TEPSIN: variants seen among roughly 807,000 people sequenced by gnomAD.
TEPSIN encodes TEPSIN adaptor related protein complex 4 accessory protein, also known as AP-4 complex accessory subunit tepsin.
Under a neutral mutation model 48.5 loss-of-function variants are expected in TEPSIN, and 50 were observed. The observed-to-expected ratio is 1.03, with a 90% CI of 0.82 to 1.31. The LOEUF (loss-of-function observed/expected upper bound fraction) is 1.31. Among genes scored for constraint, TEPSIN ranks in the 50% most tolerant of loss-of-function variants. The pLI is 0.00. For synonymous variants in TEPSIN, 392 were observed against 358.8 expected (o/e 1.09, Z -1.05); for missense variants, 838 against 815.9 (o/e 1.03, Z -0.33).
In TEPSIN at chr17:81,230,631, G is replaced by GGGGAGGAGGTCGCTGCTCCCCA. The variant is rs1824509872; in HGVS notation, c.1124_1145dup (p.Gln383GlyfsTer42). 3 of 1,597,854 alleles carry GGGGAGGAGGTCGCTGCTCCCCA rather than the reference G, an allele frequency of 1.9e-6. No homozygotes were observed. The highest frequency in any genetic ancestry group is 1.7e-5 in the Admixed American group (1 of 58,244). On this transcript the variant is annotated frameshift_variant, in exon 12 of 13. Coordinates refer to ENST00000637944, the MANE Select transcript of TEPSIN (RefSeq NM_001363764.2). LOFTEE classifies it high-confidence loss of function. This position sits in a 1 kb window ranked among gnomAD's most constrained non-coding sequence, Gnocchi z 4.2. ...GGGTGCGGAGGAGGATGTGCTCCTG[G>GGGGAGGAGGTCGCTGCTCCCCA]GGGAGGAGGTCGCTGCTCCCCAGGG...
Position 81,229,459 on chromosome 17 carries a change from C to T in TEPSIN, c.1251G>A (p.Glu417=). 1.3e-6 allele frequency: 2 copies of T among 1,549,304 alleles called. No homozygotes were observed. Among genetic ancestry groups the T allele is most frequent in the Non-Finnish European group, 8.7e-7 (1 of 1,146,538 alleles). ...NKATKILRHF[E]ASCGQLSPAR... is the part of the protein sequence containing the mutation. Reference sequence around the variant, plus strand: ...CAGGGGACAGCTGCCCACAGGAGGCCTCAAAGTGCCTCAGGATCTGAAAGA... The same window carrying T: ...CAGGGGACAGCTGCCCACAGGAGGCTTCAAAGTGCCTCAGGATCTGAAAGA... Residue 417 remains glutamate (E), a synonymous_variant, in exon 13 of 13, where the codon GAG becomes GAA. Coordinates refer to ENST00000637944, the MANE Select transcript of TEPSIN (RefSeq NM_001363764.2).
chr17:81,237,524 C>T (rs373160789), intron 1 of TEPSIN, 65 bp from the exon 2 acceptor site: 2 of 1,507,656 alleles, frequency 1.3e-6, no homozygotes, highest in African/African-American at 1.4e-5. Flanking sequence ...AATCCGCAGC[C>T]CCCCAAAGGG....
rs148901189 is a variant in TEPSIN, at chr17:81,233,486, T to C, written c.472A>G (p.Arg158Gly). Reference sequence around the variant, plus strand: ...AAACCCTGGAGGGTGCTGTGCGGCCTGGCCTGGGAGCCCATGCCTGCAGAG... The same window carrying C: ...AAACCCTGGAGGGTGCTGTGCGGCCCGGCCTGGGAGCCCATGCCTGCAGAG... ...PPATGMGSQA[R>G]PHSTLQGFGY... The change falls in exon 7 of 13, where the codon AGG (arginine) becomes GGG (glycine). Residue 158 changes from arginine to glycine, a missense_variant. Physicochemically the swap from Arg to Gly is moderately radical, Grantham distance 125. Coordinates refer to ENST00000637944, the MANE Select transcript of TEPSIN (RefSeq NM_001363764.2). The surrounding 1 kb of genome is among the most constrained non-coding windows in gnomAD (Gnocchi z 5.8). The C allele has an allele frequency of 1.3e-3, 2,104 of 1,605,744 alleles. 27 individuals are homozygous for C. In the African/African-American group the frequency reaches 0.025, roughly 19 times the overall value.
At chr17:81,236,627 T>C in intron 4 of TEPSIN, 81 bp downstream of exon 4, 1 of 1,408,690 alleles carries the variant, frequency 7.1e-7, no homozygotes, top group Non-Finnish European at 9.8e-7. Context: ...GAAGTCTTCC[T>C]TCTCAAACCT....
At chr17:81,237,653 T>C (rs796777126) in intron 1 of TEPSIN, 194 bp from the exon 2 acceptor site, 14 of 635,362 alleles carry the variant, frequency 2.2e-5, no homozygotes, top group African/African-American at 2.0e-4. Context: ...CAGTCAGGGA[T>C]GAACAGCCTC....
rs1020720889 is a variant in TEPSIN at position 81,231,783 on chromosome 17, G to A, written c.905+64C>T. 8 of 1,605,306 alleles carry A rather than the reference G, an allele frequency of 5.0e-6. No individual in the cohort carries two copies. The African/African-American group carries it at 6.7e-5, about 13-fold the overall frequency. On this transcript the variant is annotated intron_variant, in intron 9 of 12. Transcript: ENST00000637944. ...GGAGAACCTGGAGAGCAGGAGCCGC[G>A]CTGGGAGGGGGACAGTGTGGTGCCT... is the stretch of plus-strand genomic sequence containing the variant.
intron 1 of TEPSIN, 97 bp from the exon 2 acceptor site, chr17:81,237,556 A>C: frequency 7.2e-6 from 9 of 1,253,992 alleles, no homozygotes; most frequent in South Asian, 1.5e-5. Context: ...CCCACCTCTC[A>C]CTGTTGACAT....
Position 81,229,250 on chromosome 17 carries a change from GGTGGGGT to G in TEPSIN, c.1453_1459del (p.Thr485ProfsTer105). 1 of 1,579,686 alleles carries G rather than the reference GGTGGGGT, an allele frequency of 6.3e-7. No homozygotes were observed. The highest frequency in any genetic ancestry group is 8.6e-7 in the Non-Finnish European group (1 of 1,163,752). ...GGCTGGAATGGGGGAGGCATCTGGG[GGTGGGGT>G]GGGCACAGGGCTGGACGGCATCCCA... On this transcript the variant is annotated frameshift_variant, in exon 13 of 13. Coordinates refer to ENST00000637944, the MANE Select transcript of TEPSIN (RefSeq NM_001363764.2). LOFTEE classifies it low-confidence loss of function (END_TRUNC).
intron 1 of TEPSIN, 120 bp from the exon 2 acceptor site, chr17:81,237,579 G>T: frequency 9.5e-7 from 1 of 1,048,980 alleles, no homozygotes; most frequent in Non-Finnish European, 1.4e-6. Flanking sequence ...CCGGAGAGAG[G>T]ACTGGGAAGG....
At position 81,233,805 on chromosome 17, in the gene TEPSIN, C is replaced by T. The variant is rs867954959; in HGVS notation, c.376-89G>A. ...CCCATATCAGCTCCGTTCTGTCCCC[C>T]GGACACTTCTCCTGAGCCACTCAGC... On this transcript the variant is annotated intron_variant, in intron 5 of 12. Transcript: ENST00000637944. The surrounding 1 kb of genome is among the most constrained non-coding windows in gnomAD (Gnocchi z 5.8). 20 of 1,427,192 alleles carry T rather than the reference C, an allele frequency of 1.4e-5. No homozygotes were observed. The highest frequency in any genetic ancestry group is 9.7e-5 in the Admixed American group (4 of 41,148). The allele number at this position is 1,427,192 out of a possible 1,614,324, so 88.4% of individuals were successfully genotyped here.
rs115801477 is a variant in TEPSIN at position 81,230,853 on chromosome 17, A to G, written c.1099-175T>C. The G allele has an allele frequency of 8.1e-5, 64 of 788,990 alleles. No individual in the cohort carries two copies. The African/African-American group carries it at 1.3e-3, about 16-fold the overall frequency. The allele number at this position is 788,990 out of a possible 1,614,324, so 48.9% of individuals were successfully genotyped here. A position where few individuals can be genotyped will look rare whatever the true frequency, so the allele number is the denominator to read the frequency against. Reference sequence around the variant, plus strand: ...CTCACCGCCTTACACCCCGGATCCCAGACACCACAGCCCTGTCCTCACCAC... The same window carrying G: ...CTCACCGCCTTACACCCCGGATCCCGGACACCACAGCCCTGTCCTCACCAC... On this transcript the variant is annotated intron_variant, in intron 11 of 12. Coordinates refer to ENST00000637944, the MANE Select transcript of TEPSIN (RefSeq NM_001363764.2). This position sits in a 1 kb window ranked among gnomAD's most constrained non-coding sequence, Gnocchi z 4.2.
At chr17:81,229,824 T>C (rs2146820929) in intron 12 of TEPSIN, 1 of 340,936 alleles carries the variant, frequency 2.9e-6, no homozygotes, top group South Asian at 3.8e-5. Context: ...CATTTCCAAC[T>C]GTTGGACGCA....
intron 1 of TEPSIN, 42 bp downstream of exon 1, chr17:81,238,944 G>T: frequency 7.1e-7 from 1 of 1,416,230 alleles, no homozygotes; most frequent in Non-Finnish European, 9.2e-7. Flanking sequence ...GCGCTCGAGA[G>T]GAGCCGTGGG....
Position 81,236,990 on chromosome 17 carries a change from C to A in TEPSIN, c.203G>T (p.Gly68Val). The change falls in exon 3 of 13, where the codon GGG (glycine) becomes GTG (valine). Residue 68 changes from glycine (G) to valine (V), a missense_variant. Gly to Val is a moderately radical substitution (Grantham distance 109). Coordinates refer to ENST00000637944, the MANE Select transcript of TEPSIN (RefSeq NM_001363764.2). ...CACCCAGGGGCTCACCTTGAGCTTC[C>A]CGTGGCCGGAGCTGCTGTGCAGGCG... ...LSRLHSSSGH[G>V]KLKVLKILLY... 6.3e-7 allele frequency: 1 copy of A among 1,582,802 alleles called. No individual in the cohort carries two copies.
In TEPSIN at chr17:81,232,758, G is replaced by C; in HGVS notation, c.527-240C>G. On this transcript the variant is annotated intron_variant, in intron 7 of 12. Transcript: ENST00000637944. ...AAGCTCACTGCAGAGTTATGCCTCCGTCCCTCTGTCCTCTGGGGGTGAAGG... is the reference window on the plus strand; with the variant it reads ...AAGCTCACTGCAGAGTTATGCCTCCCTCCCTCTGTCCTCTGGGGGTGAAGG... 2 of 506,458 alleles carry C rather than the reference G, an allele frequency of 3.9e-6. 1 individual carries two copies. The highest frequency in any genetic ancestry group is 6.3e-5 in the South Asian group (2 of 31,952). 31.4% of individuals were successfully genotyped at this position (506,458 alleles called of 1,614,324 possible).
rs1309049007 is a variant in TEPSIN, at chr17:81,229,209, C to T, written c.1501G>A (p.Glu501Lys). 7 of 1,557,816 alleles carry T rather than the reference C, an allele frequency of 4.5e-6. No homozygotes were observed. The highest frequency in any genetic ancestry group is 2.4e-5 in the East Asian group (1 of 41,772). ...SPIPAPGDPS[E>K]AEARLAESRR... Reference sequence around the variant, plus strand: ...CTTTCTGCCAGTCTGGCCTCGGCCTCGCTGGGGTCTCCGGGGGCTGGAATG... The same window carrying T: ...CTTTCTGCCAGTCTGGCCTCGGCCTTGCTGGGGTCTCCGGGGGCTGGAATG... Residue 501 changes from glutamate to lysine, a missense_variant, in exon 13 of 13, where the codon GAG (glutamate) becomes AAG (lysine). Glu to Lys is a moderately conservative substitution (Grantham distance 56). Coordinates refer to ENST00000637944, the MANE Select transcript of TEPSIN (RefSeq NM_001363764.2).
At position 81,236,733 on chromosome 17, in the gene TEPSIN, G is replaced by A; in HGVS notation, c.282C>T (p.Asn94=). 6.4e-7 allele frequency: 1 copy of A among 1,570,250 alleles called. No individual in the cohort carries two copies. The highest frequency in any genetic ancestry group is 8.6e-7 in the Non-Finnish European group (1 of 1,158,306). ...SSFFLLILKR[N]SAFIQEAAAF... is the part of the protein sequence containing the mutation. ...CTGCAGCTTCCTGGATGAAGGCAGA[G>A]TTGCGTTTGAGGATGAGCAGGAAGA... The change falls in exon 4 of 13, where the codon AAC becomes AAT. Residue 94 remains asparagine, a synonymous_variant. Transcript: ENST00000637944.
rs750532637 is a variant in TEPSIN, at chr17:81,236,687, G to A, written c.307+21C>T. ...TCTCCAAAGCCCTGGCTCTTCCTGA[G>A]CGCGTGCGCGGCCCCTGTACCTGCA... On this transcript the variant is annotated intron_variant, in intron 4 of 12. Coordinates refer to ENST00000637944, the MANE Select transcript of TEPSIN (RefSeq NM_001363764.2). The A allele has an allele frequency of 2.1e-5, 32 of 1,550,418 alleles. No individual in the cohort carries two copies. The South Asian group carries it at 3.7e-4, about 18-fold the overall frequency.
rs566857068 is a variant in TEPSIN at position 81,228,497 on chromosome 17, C to A, written c.*431G>T. On this transcript the variant is annotated 3_prime_UTR_variant, in exon 13 of 13. Coordinates refer to ENST00000637944, the MANE Select transcript of TEPSIN (RefSeq NM_001363764.2). Reference sequence around the variant, plus strand: ...GGCAGCCCGGACAAGACACCCTCAACCCACATGCACCAAACCCAGCCTCAG... The same window carrying A: ...GGCAGCCCGGACAAGACACCCTCAAACCACATGCACCAAACCCAGCCTCAG... The A allele has an allele frequency of 4.1e-5, 11 of 271,182 alleles. No individual in the cohort carries two copies. In the East Asian group the frequency reaches 1.3e-3, roughly 32 times the overall value. 16.8% of individuals were successfully genotyped at this position (271,182 alleles called of 1,614,324 possible). A position where few individuals can be genotyped will look rare whatever the true frequency, so the allele number is the denominator to read the frequency against.
Sources: allele counts gnomAD v4.1 joint callset, GRCh38; gene constraint gnomAD v4.1.1; non-coding constraint Gnocchi (gnomAD v3.1); transcripts MANE v1.5; gene names NCBI Gene and HGNC (gene_info 2026-07-23, HGNC 2026-07-21).